Variants in SMG1 observed in about 807,000 individuals in gnomAD.
SMG1 encodes the protein serine/threonine-protein kinase SMG1.
SMG1 carries 22 observed loss-of-function variants against 419.9 expected under a neutral mutation model. The ratio of observed to expected loss-of-function variants is 0.05; its 90% CI spans 0.04 to 0.07. SMG1 has a LOEUF of 0.07. Ranked by LOEUF, SMG1 falls within the 10% of genes least tolerant of loss-of-function variation. The pLI is 1.00. For missense variants in SMG1, 3,185 were observed against 4,342.0 expected (o/e 0.73, Z 7.49); for synonymous variants, 1,538 against 1,553.5 (o/e 0.99, Z 0.23).
Position 18,815,579 on chromosome 16 carries a change from A to C in SMG1, c.10375T>G (p.Tyr3459Asp). Reference protein sequence around the residue: ...ENSVRQFLGEYKSWQDNIQTV... With the variant: ...ENSVRQFLGEDKSWQDNIQTV... Reference sequence around the variant, plus strand: ...TGAATGTTGTCTTGCCATGATTTATATTCACCCAAAAACTGCCTAACACTG... The same window carrying C: ...TGAATGTTGTCTTGCCATGATTTATCTTCACCCAAAAACTGCCTAACACTG... The change falls in exon 59 of 63, where the codon TAT becomes GAT. Residue 3459 changes from tyrosine to aspartate, a missense_variant. Tyr to Asp is a radical substitution (Grantham distance 160). This residue lies in a region of SMG1 where 737 missense variants were observed against 846.6 expected (regional missense o/e 0.87). Coordinates refer to ENST00000446231, the MANE Select transcript of SMG1 (RefSeq NM_015092.5). The C allele has an allele frequency of 6.2e-7, 1 of 1,614,000 alleles. No individual in the cohort carries two copies. The highest frequency in any genetic ancestry group is 1.1e-5 in the South Asian group (1 of 91,084).
Position 18,809,144 on chromosome 16 carries a change from G to C in SMG1, c.*425C>G, listed in dbSNP as rs1195515090. The C allele has an allele frequency of 6.2e-6, 1 of 160,398 alleles. No homozygotes were observed. Among genetic ancestry groups the C allele is most frequent in the Non-Finnish European group, 1.4e-5 (1 of 72,896 alleles). The allele number at this position is 160,398 out of a possible 1,614,324, so 9.9% of individuals were successfully genotyped here. On this transcript the variant is annotated 3_prime_UTR_variant, in exon 63 of 63. Coordinates refer to ENST00000446231, the MANE Select transcript of SMG1 (RefSeq NM_015092.5). The stretch of plus-strand genomic sequence containing the variant: ...AATCTTCCTTGGCTGTGATTTCTTC[G>C]CGACCCCAGTTTTCTCTGTTTCTGA...
rs898639542 is a variant in SMG1 at position 18,846,503 on chromosome 16, T to C, written c.5997-852A>G. ...GATAAGGGTTAGTACCCAGAATACA[T>C]AGAGAACTCCTACAATTCAACAATA... On this transcript the variant is annotated intron_variant, in intron 38 of 62. Coordinates refer to ENST00000446231, the MANE Select transcript of SMG1 (RefSeq NM_015092.5). Among the ~76,000 whole-genome samples, 7 of 148,278 alleles carry C rather than the reference T, an allele frequency of 4.7e-5. No homozygotes were observed. The East Asian group carries it at 1.2e-3, about 24-fold the overall frequency.
chr16:18,827,187 G>A (rs2032747841), intron 55 of SMG1, among the ~76,000 whole-genome samples: 1 of 152,070 alleles, frequency 6.6e-6, no homozygotes, highest in Non-Finnish European at 1.5e-5. Context: ...AGTGTTTTGG[G>A]AGGCCAAGGT....
intron 11 of SMG1, chr16:18,879,214 T>C: frequency 7.1e-6 from 3 of 425,050 alleles, no homozygotes; most frequent in Non-Finnish European, 1.3e-5. Context: ...TTCCTGGGCT[T>C]AATCGATCCT....
rs922935435 is a variant in SMG1 at position 18,852,989 on chromosome 16, G to C, written c.4769-527C>G. Among the ~76,000 whole-genome samples the C allele has an allele frequency of 1.3e-5, 2 of 152,100 alleles. 1 individual carries two copies. Among genetic ancestry groups the C allele is most frequent in the Non-Finnish European group, 2.9e-5 (2 of 68,010 alleles). ...AAGACATATCCTTTATGAATATCAA[G>C]ACTCTATCAAAATTATTAACACCAA... On this transcript the variant is annotated intron_variant, in intron 31 of 62. Coordinates refer to ENST00000446231, the MANE Select transcript of SMG1 (RefSeq NM_015092.5).
intron 18 of SMG1, among the ~76,000 whole-genome samples, chr16:18,870,308 A>C (rs2035747019): frequency 6.6e-6 from 1 of 152,250 alleles, no homozygotes; most frequent in African/African-American, 2.4e-5. Context: ...CAACTTGATC[A>C]AAAACAATAA....
intron 6 of SMG1, among the ~76,000 whole-genome samples, 169 bp from the exon 7 acceptor site, chr16:18,885,835 A>G (rs543621071): frequency 9.2e-5 from 14 of 152,050 alleles, no homozygotes; most frequent in Non-Finnish European, 1.3e-4. Context: ...AATCCCAACT[A>G]CCTGGGAGGC....
Position 18,850,417 on chromosome 16 carries a change from A to G in SMG1, c.5103T>C (p.Asp1701=), listed in dbSNP as rs1167905485. The G allele has an allele frequency of 3.7e-6, 6 of 1,613,862 alleles. No individual in the cohort carries two copies. The East Asian group carries it at 8.9e-5, about 24-fold the overall frequency. ...QITESEDNEE[D]DMVDVIWRQL... ...GACGCCAGATAACATCAACCATGTC[A>G]TCTTCTTCGTTGTCTTCACTCTCAG... is the stretch of plus-strand genomic sequence containing the variant. Residue 1701 remains aspartate, a synonymous_variant, in exon 34 of 63, where the codon GAT becomes GAC. Coordinates refer to ENST00000446231, the MANE Select transcript of SMG1 (RefSeq NM_015092.5).
chr16:18,827,916 G>A, intron 55 of SMG1, 115 bp downstream of exon 55: 1 of 966,846 alleles, frequency 1.0e-6, no homozygotes. Flanking sequence ...TGCTCTTCTG[G>A]CTTACAAGCC....
intron 1 of SMG1, among the ~76,000 whole-genome samples, chr16:18,923,994 TC>T (rs1210607857): frequency 6.6e-6 from 1 of 152,158 alleles, no homozygotes; most frequent in African/African-American, 2.4e-5. Flanking sequence ...ACTTCCCTGT[TC>T]CCTCTACAAC....
chr16:18,856,493 C>G (rs1346850971), intron 29 of SMG1: 2 of 152,306 alleles, frequency 1.3e-5, no homozygotes, highest in African/African-American at 4.8e-5. Context: ...CCCGCCCCCA[C>G]GCCCAGCTAA....
At chr16:18,831,323 A>G (rs2033156817) in intron 51 of SMG1, among the ~76,000 whole-genome samples, 1 of 152,196 alleles carries the variant, frequency 6.6e-6, no homozygotes, top group African/African-American at 2.4e-5. Flanking sequence ...ATTTTCCTTG[A>G]GATTACCCAA....
chr16:18,914,467 A>G (rs1291756059), intron 1 of SMG1, among the ~76,000 whole-genome samples: 1 of 151,944 alleles, frequency 6.6e-6, no homozygotes, highest in African/African-American at 2.4e-5. Context: ...CTCCTCACCT[A>G]AGGTCAGGAG....
intron 60 of SMG1, among the ~76,000 whole-genome samples, chr16:18,814,066 AAT>A (rs1244616087): frequency 1.4e-4 from 21 of 148,288 alleles, no homozygotes; most frequent in African/African-American, 4.2e-4. Flanking sequence ...ATTAAAAAAA[AAT>A]AAAATAAAAT....
Position 18,876,343 on chromosome 16 carries a change from A to G in SMG1, c.1671T>C (p.Asn557=). ...AVYQAVLSLK[N]IPVLETAYKL... ...TATAGGCAGTCTCCAAAACAGGAAT[A>G]TTCTTCAAGCTGAGCACTGCTTGAT... The change falls in exon 13 of 63, where the codon AAT becomes AAC. Residue 557 remains asparagine, a synonymous_variant. Transcript: ENST00000446231. 2 of 1,611,510 alleles carry G rather than the reference A, an allele frequency of 1.2e-6. No homozygotes were observed. Among genetic ancestry groups the G allele is most frequent in the East Asian group, 2.2e-5 (1 of 44,858 alleles).
Position 18,864,073 on chromosome 16 carries a change from C to A in SMG1, c.3422G>T (p.Ser1141Ile). The A allele has an allele frequency of 5.8e-6, 9 of 1,549,730 alleles. No individual in the cohort carries two copies. The highest frequency in any genetic ancestry group is 7.8e-6 in the Non-Finnish European group (9 of 1,146,886). Residue 1141 changes from serine to isoleucine, a missense_variant, in exon 24 of 63, where the codon AGC becomes ATC. Transcript: ENST00000446231. ...TAAGGTGAGCACCGATTTGTCAAAGCTGGAGATGCAGCAATCAACACCTGT... is the reference window on the plus strand; with the variant it reads ...TAAGGTGAGCACCGATTTGTCAAAGATGGAGATGCAGCAATCAACACCTGT... The part of the protein sequence containing the change: ...AMTGVDCCIS[S>I]FDKSVLTLAN...
rs2606556 is a variant in SMG1, at chr16:18,812,057, T to C, written c.10692A>G (p.Gln3564=). Residue 3564 remains glutamine (Q), a synonymous_variant, in exon 61 of 63, where the codon CAA becomes CAG. Coordinates refer to ENST00000446231, the MANE Select transcript of SMG1 (RefSeq NM_015092.5). The part of the protein sequence containing the change: ...VMSQNARKLI[Q]KNLATSADTP... ...TATCAGCTGATGTAGCAAGATTTTT[T>C]TGGATCAGCTTTCTAGCATTCTGTG... 1 allele frequency: 1,606,437 copies of C among 1,613,976 alleles called. 799,999 individuals carry two copies. Among genetic ancestry groups the C allele is most frequent in the Middle Eastern group, 1 (6,062 of 6,062 alleles).
At chr16:18,833,582 T>C (rs1254485063) in intron 50 of SMG1, among the ~76,000 whole-genome samples, 1 of 152,132 alleles carries the variant, frequency 6.6e-6, no homozygotes, top group Non-Finnish European at 1.5e-5. Flanking sequence ...AAAAAAGTCT[T>C]ATCAAGGTAT....
At position 18,847,457 on chromosome 16, in the gene SMG1, G is replaced by A. The variant is rs558156061; in HGVS notation, c.5992C>T (p.Arg1998Cys). ...GACAAGTGTATGGAAACATACTTGCGTAAGGTGTTGTTGTTCTGGACTCTC... is the reference window on the plus strand; with the variant it reads ...GACAAGTGTATGGAAACATACTTGCATAAGGTGTTGTTGTTCTGGACTCTC... ...VKRVQNNNTL[R>C]KEEKIAIMRE... The change falls in exon 38 of 63, where the codon CGC becomes TGC. Residue 1998 changes from arginine (R) to cysteine (C), a missense_variant. Around this residue, in one of 27 missense-constraint regions of SMG1, gnomAD observed 159 missense variants for 196.0 expected, o/e 0.81. Transcript: ENST00000446231. 35 of 1,613,984 alleles carry A rather than the reference G, an allele frequency of 2.2e-5. No individual in the cohort carries two copies. Among genetic ancestry groups the A allele is most frequent in the African/African-American group, 5.3e-5 (4 of 75,054 alleles).
Sources: gnomAD v4.1 joint callset for allele counts (sites outside exome capture counted in the v4.1 genomes callset) on GRCh38, gnomAD v4.1.1 for gene constraint, gnomAD v4.1.1 regional missense constraint, MANE v1.5 for transcripts, NCBI Gene and HGNC (gene_info 2026-07-23, HGNC 2026-07-21) for gene names.